Variants in ACSM2B observed in about 807,000 individuals in gnomAD.
ACSM2B encodes the protein acyl-CoA synthetase medium chain family member 2B, also known as acyl-coenzyme A synthetase ACSM2B, mitochondrial.
A neutral mutation model predicts 78.6 loss-of-function variants in ACSM2B; 58 were observed. That is an observed-to-expected ratio of 0.74 (90% CI 0.60 to 0.92). ACSM2B has a LOEUF of 0.92. ACSM2B is among the 40% of genes least tolerant of loss of function. The probability of loss-of-function intolerance (pLI) is 0.00; values close to 1 mark genes in which losing one functional copy is unlikely to be tolerated. For missense variants in ACSM2B, 688 were observed against 711.2 expected (o/e 0.97, Z 0.37); for synonymous variants, 257 against 256.8 (o/e 1.00, Z -0.01).
chr16:20,566,247 TTATATATATATATATATA>T (rs200052689), intron 1 of ACSM2B, among the ~76,000 whole-genome samples: 19 of 69,982 alleles, frequency 2.7e-4, no homozygotes, highest in Non-Finnish European at 4.1e-4. Flanking sequence ...TCATGGAAGA[TTATATATATATATATATA>T]TATATATATA....
intron 2 of ACSM2B, among the ~76,000 whole-genome samples, chr16:20,560,737 T>A (rs1161233725): frequency 2.0e-5 from 3 of 151,676 alleles, no homozygotes; most frequent in Admixed American, 6.6e-5. Context: ...AATTGAAGAG[T>A]TTGGAAGGCT....
chr16:20,544,553 T>C (rs1361428462), intron 10 of ACSM2B: 1 of 979,584 alleles, frequency 1.0e-6, no homozygotes, highest in Non-Finnish European at 1.2e-6. Context: ...ATTTATTTAG[T>C]TTATTAGTCA....
At chr16:20,548,015 A>G in intron 8 of ACSM2B, 47 bp downstream of exon 8, 2 of 1,599,408 alleles carry the variant, frequency 1.3e-6, no homozygotes, top group Non-Finnish European at 1.7e-6. Context: ...GAGAATTTTG[A>G]AGCCCAAAAA....
intron 12 of ACSM2B, chr16:20,542,393 T>A (rs1186566860): frequency 6.5e-6 from 1 of 153,284 alleles, no homozygotes; most frequent in Non-Finnish European, 1.5e-5. Context: ...GTTAACATAA[T>A]GACCTCCAGT....
intron 1 of ACSM2B, among the ~76,000 whole-genome samples, chr16:20,569,158 T>G: frequency 6.6e-6 from 1 of 151,936 alleles, no homozygotes; most frequent in East Asian, 1.9e-4. Context: ...TCTACAAGGG[T>G]TTTTCTGATG....
intron 8 of ACSM2B, 63 bp downstream of exon 8, chr16:20,547,999 G>T: frequency 6.3e-7 from 1 of 1,598,662 alleles, no homozygotes; most frequent in Non-Finnish European, 8.5e-7. Flanking sequence ...ATGTTTTATT[G>T]TCAAAGAGAA....
chr16:20,567,901 A>G (rs981953909), intron 1 of ACSM2B, among the ~76,000 whole-genome samples: 1 of 143,176 alleles, frequency 7.0e-6, no homozygotes, highest in Non-Finnish European at 1.5e-5. Context: ...GTGTGGCTAT[A>G]TATAGTATAT....
chr16:20,560,695 A>G (rs535577034), intron 2 of ACSM2B, among the ~76,000 whole-genome samples: 1 of 152,242 alleles, frequency 6.6e-6, no homozygotes, highest in South Asian at 2.1e-4. Flanking sequence ...CTGAAAATGT[A>G]GAACTAACTC....
chr16:20,563,315 C>G (rs1008233838), intron 2 of ACSM2B, among the ~76,000 whole-genome samples: 4 of 152,036 alleles, frequency 2.6e-5, no homozygotes, highest in Non-Finnish European at 4.4e-5. Context: ...TGTTCATATA[C>G]TTTGCCTGGT....
chr16:20,556,439 TAAAAATACA>T (rs1347575982), intron 3 of ACSM2B, among the ~76,000 whole-genome samples: 1 of 152,056 alleles, frequency 6.6e-6, no homozygotes, highest in African/African-American at 2.4e-5. Context: ...CCAGCTTTAC[TAAAAATACA>T]AAAATTATCT....
chr16:20,564,309 A>G (rs2015753966), intron 2 of ACSM2B, among the ~76,000 whole-genome samples: 1 of 151,680 alleles, frequency 6.6e-6, no homozygotes, highest in Admixed American at 6.6e-5. Context: ...TGTGTTGCCC[A>G]GGCTTGATTT....
At chr16:20,567,228 T>C (rs1596736548) in intron 1 of ACSM2B, among the ~76,000 whole-genome samples, 2 of 129,748 alleles carry the variant, frequency 1.5e-5, no homozygotes, top group African/African-American at 2.9e-5. Flanking sequence ...ATATACTATA[T>C]ATAATATATA....
At chr16:20,560,898 A>G (rs372989213) in intron 2 of ACSM2B, among the ~76,000 whole-genome samples, 9 of 152,210 alleles carry the variant, frequency 5.9e-5, no homozygotes, top group African/African-American at 2.2e-4. Flanking sequence ...ACTGAAGCAA[A>G]GGTCCTCCTT....
Position 20,537,064 on chromosome 16 carries a change from A to C in ACSM2B, c.*194T>G. ...CTTTTTCTGTTACCCTCTCCTTTTC[A>C]CTCTCTCTCATTCCTTCCCTTTCTT... On this transcript the variant is annotated 3_prime_UTR_variant, in exon 14 of 14. Transcript: ENST00000329697. 3 of 576,000 alleles carry C rather than the reference A, an allele frequency of 5.2e-6. No individual in the cohort carries two copies. The allele number at this position is 576,000 out of a possible 1,614,324, so 35.7% of individuals were successfully genotyped here.
At chr16:20,570,200 C>T (rs1177110833) in intron 1 of ACSM2B, among the ~76,000 whole-genome samples, 1 of 151,902 alleles carries the variant, frequency 6.6e-6, no homozygotes. Flanking sequence ...GTGGGTTTGT[C>T]ATAGATGGCT....
chr16:20,567,374 T>C (rs1249967924), intron 1 of ACSM2B, among the ~76,000 whole-genome samples: 4 of 116,906 alleles, frequency 3.4e-5, no homozygotes, highest in Non-Finnish European at 6.4e-5. Context: ...TATTATATAA[T>C]ATATAGTATA....
intron 1 of ACSM2B, among the ~76,000 whole-genome samples, chr16:20,571,934 C>T (rs2016103398): frequency 6.6e-6 from 1 of 151,576 alleles, no homozygotes. Context: ...TGTCTTTTTC[C>T]ACCCCCTTAC....
chr16:20,554,543 G>A (rs530006576), intron 4 of ACSM2B, among the ~76,000 whole-genome samples: 5 of 152,264 alleles, frequency 3.3e-5, no homozygotes, highest in South Asian at 2.1e-4. Context: ...ATGTGCCCCC[G>A]CTAGAGGGAT....
In ACSM2B at chr16:20,552,281, C is replaced by A. The variant is rs1344148277; in HGVS notation, c.757G>T (p.Ala253Ser). ...KMDAGWTGLQ[A>S]SDIMWTISDT... is the part of the protein sequence containing the mutation. ...GATATGGTCCACATTATATCAGAGG[C>A]TTGCAGGCCTGTCCAACTGAAAACA... The change falls in exon 6 of 14, where the codon GCC (alanine) becomes TCC (serine). Residue 253 changes from alanine (A) to serine (S), a missense_variant. Ala to Ser is a moderately conservative substitution (Grantham distance 99). Transcript: ENST00000329697. 1 of 1,611,082 alleles carries A rather than the reference C, an allele frequency of 6.2e-7. No individual in the cohort carries two copies. The highest frequency in any genetic ancestry group is 1.3e-5 in the African/African-American group (1 of 74,802).
Sources: allele counts gnomAD v4.1 joint callset (sites outside exome capture counted in the v4.1 genomes callset), GRCh38; gene constraint gnomAD v4.1.1; transcripts MANE v1.5; gene names NCBI Gene and HGNC (gene_info 2026-07-23, HGNC 2026-07-21).